Variants in SLC4A5 observed in about 807,000 individuals in gnomAD.
SLC4A5 encodes electrogenic sodium bicarbonate cotransporter 4.
SLC4A5 carries 96 observed loss-of-function variants against 120.4 expected under a neutral mutation model. That is an observed-to-expected ratio of 0.80 (90% confidence interval 0.68 to 0.94). The LOEUF (loss-of-function observed/expected upper bound fraction) is 0.94. SLC4A5 is among the 40% of genes least tolerant of loss of function. The pLI is 0.00. For synonymous variants in SLC4A5, 550 were observed against 571.1 expected (o/e 0.96, Z 0.53); for missense variants, 1,259 against 1,459.5 (o/e 0.86, Z 2.24).
At chr2:74,288,004 C>A (rs566677606) in intron 7 of SLC4A5, among the ~76,000 whole-genome samples, 155 of 152,256 alleles carry the variant, frequency 1.0e-3, no homozygotes, top group African/African-American at 3.6e-3. Flanking sequence ...CGGCCTGCTG[C>A]CACTGGCTCA....
At chr2:74,320,624 A>T (rs1001440457) in intron 5 of SLC4A5, among the ~76,000 whole-genome samples, 2 of 152,152 alleles carry the variant, frequency 1.3e-5, no homozygotes, top group African/African-American at 4.8e-5. Flanking sequence ...CCTTCGATGC[A>T]CCTTTTTTTC....
chr2:74,231,561 G>A (rs887361904), intron 24 of SLC4A5, among the ~76,000 whole-genome samples: 2 of 152,210 alleles, frequency 1.3e-5, no homozygotes, highest in Non-Finnish European at 2.9e-5. Flanking sequence ...TGTAGCTGGG[G>A]GGCTTGAGCA....
chr2:74,288,729 A>T (rs946644492), intron 7 of SLC4A5, among the ~76,000 whole-genome samples: 1 of 152,066 alleles, frequency 6.6e-6, no homozygotes, highest in Non-Finnish European at 1.5e-5. Context: ...CAATACACCC[A>T]TGTGTATTGA....
intron 8 of SLC4A5, among the ~76,000 whole-genome samples, chr2:74,273,805 T>C (rs1671550662): frequency 6.6e-6 from 1 of 152,152 alleles, no homozygotes; most frequent in Non-Finnish European, 1.5e-5. Flanking sequence ...CATCAGATAC[T>C]CCCCTGGTTC....
chr2:74,327,999 TCTC>T (rs1443899860), intron 5 of SLC4A5, 118 bp downstream of exon 5: 2 of 400,748 alleles, frequency 5.0e-6, no homozygotes, highest in African/African-American at 4.4e-5. Context: ...TTCCTGGTAT[TCTC>T]CTCTTCAGTG....
At chr2:74,249,815 A>G (rs1670736541) in intron 17 of SLC4A5, among the ~76,000 whole-genome samples, 2 of 152,092 alleles carry the variant, frequency 1.3e-5, no homozygotes, top group African/African-American at 4.8e-5. Flanking sequence ...TGGGGTACTG[A>G]GCTTTCCAAT....
At chr2:74,238,863 T>C (rs765393800) in intron 21 of SLC4A5, among the ~76,000 whole-genome samples, 2 of 152,018 alleles carry the variant, frequency 1.3e-5, no homozygotes, top group Non-Finnish European at 1.5e-5. Context: ...ATTAAGGATG[T>C]AAAAAGAAAA....
chr2:74,275,457 C>T lies in SLC4A5; in HGVS notation c.402-10193G>A, dbSNP rs542290483. Among the ~76,000 whole-genome samples the T allele has an allele frequency of 2.6e-5, 4 of 152,358 alleles. No individual in the cohort carries two copies. The South Asian group carries it at 8.3e-4, about 32-fold the overall frequency. On this transcript the variant is annotated intron_variant, in intron 8 of 30. Coordinates refer to ENST00000394019, the Ensembl canonical transcript of SLC4A5. ...CCCTGTAATTGCCCCATGGGACTGT[C>T]ATCTACGCAGTGGTCTGCCTCCCTC... is the stretch of plus-strand genomic sequence containing the variant.
exon 7 of SLC4A5, chr2:74,304,640 G>A (rs763906856): frequency 1.2e-6 from 2 of 1,614,018 alleles, no homozygotes; most frequent in African/African-American, 2.7e-5. Flanking sequence ...TTCTTTGAGG[G>A]TAAGTGGGTA....
chr2:74,247,167 A>C, exon 19 of SLC4A5: 1 of 1,614,222 alleles, frequency 6.2e-7, no homozygotes, highest in Non-Finnish European at 8.5e-7. Context: ...GAAGCTGATA[A>C]GGGTGGAGAA....
intron 7 of SLC4A5, among the ~76,000 whole-genome samples, chr2:74,288,781 G>A (rs1324331772): frequency 6.6e-6 from 1 of 152,146 alleles, no homozygotes; most frequent in Non-Finnish European, 1.5e-5. Context: ...TGGAAGCTCG[G>A]CAGCCTTCTC....
At position 74,326,833 on chromosome 2, in the gene SLC4A5, A is replaced by C. The variant is rs1458522307; in HGVS notation, c.-3+1287T>G. On this transcript the variant is annotated intron_variant, in intron 5 of 30. Transcript: ENST00000394019. ...AAACAAAACACCTTAAGCCTGTAAG[A>C]CCAAGGATCAGAGTGCTATCCTAGC... is the stretch of plus-strand genomic sequence containing the variant. 2.6e-5 allele frequency among the ~76,000 whole-genome samples: 4 copies of C among 152,176 alleles called. No individual in the cohort carries two copies. The East Asian group carries it at 7.7e-4, about 29-fold the overall frequency.
chr2:74,225,017 GT>G (rs1173926446), intron 27 of SLC4A5, 22 bp from the exon 28 acceptor site: 1 of 1,595,142 alleles, frequency 6.3e-7, no homozygotes, highest in Admixed American at 1.9e-5. Flanking sequence ...AGAGACTAAA[GT>G]TTTGTGAGAA....
chr2:74,231,436 G>T, intron 24 of SLC4A5, 128 bp from the exon 25 acceptor site: 1 of 785,512 alleles, frequency 1.3e-6, no homozygotes, highest in Non-Finnish European at 1.9e-6. Flanking sequence ...TCTGCATGAA[G>T]CTCTGCCTGG....
chr2:74,321,142 G>A (rs188519052), intron 5 of SLC4A5, among the ~76,000 whole-genome samples: 1 of 152,122 alleles, frequency 6.6e-6, no homozygotes, highest in Admixed American at 6.6e-5. Context: ...ATCACCACTG[G>A]ATGTAACTAT....
chr2:74,243,417 T>C (rs1429965334), intron 19 of SLC4A5, among the ~76,000 whole-genome samples: 1 of 152,200 alleles, frequency 6.6e-6, no homozygotes, highest in Non-Finnish European at 1.5e-5. Context: ...GCTAAGGAAT[T>C]CCATCTTGAC....
intron 12 of SLC4A5, among the ~76,000 whole-genome samples, chr2:74,257,361 A>G (rs967135822): frequency 6.6e-6 from 1 of 152,182 alleles, no homozygotes; most frequent in African/African-American, 2.4e-5. Flanking sequence ...CAAGACTCAA[A>G]AAGTCCCTTT....
At chr2:74,283,379 G>A (rs891636655) in intron 8 of SLC4A5, among the ~76,000 whole-genome samples, 1 of 152,228 alleles carries the variant, frequency 6.6e-6, no homozygotes, top group Admixed American at 6.5e-5. Context: ...CACCGTAAGT[G>A]TTCAAAGAAC....
chr2:74,229,119 T>TTTTTTTTTTTTA, intron 25 of SLC4A5, among the ~76,000 whole-genome samples: 1 of 150,966 alleles, frequency 6.6e-6, no homozygotes, highest in East Asian at 1.9e-4. Flanking sequence ...TTTTTTTTCT[T>TTTTTTTTTTTTA]GAGACAGAGT....
Sources: allele counts gnomAD v4.1 joint callset (sites outside exome capture counted in the v4.1 genomes callset), GRCh38; gene constraint gnomAD v4.1.1; transcripts MANE v1.5; gene names NCBI Gene and HGNC (gene_info 2026-07-23, HGNC 2026-07-21).